Variants in SLC2A9 observed in about 807,000 individuals in gnomAD.
The protein encoded by SLC2A9 is solute carrier family 2 member 9, also known as solute carrier family 2, facilitated glucose transporter member 9.
Under a neutral mutation model 50.6 loss-of-function variants are expected in SLC2A9, and 39 were observed. The observed-to-expected ratio is 0.77, with a 90% CI of 0.60 to 1.01. The LOEUF (loss-of-function observed/expected upper bound fraction) is 1.01. Among genes scored for constraint, SLC2A9 ranks in the 50% least tolerant of loss-of-function variants. SLC2A9 has a pLI of 0.00. For missense variants in SLC2A9, 686 were observed against 677.6 expected, an observed-to-expected ratio of 1.01 and a Z score of -0.14; for synonymous variants, 324 against 276.9, an observed-to-expected ratio of 1.17 and a Z score of -1.69.
intron 8 of SLC2A9, among the ~76,000 whole-genome samples, chr4:9,897,703 A>G (rs1738819973): frequency 6.6e-6 from 1 of 152,148 alleles, no homozygotes; most frequent in African/African-American, 2.4e-5. Context: ...CCTGGCCAAC[A>G]TGATGAAACC....
At chr4:10,034,798 G>C (rs1764045817) in intron 1 of SLC2A9, 1 of 152,338 alleles carries the variant, frequency 6.6e-6, no homozygotes, top group Non-Finnish European at 1.5e-5. Context: ...AAAGCTCAGA[G>C]AGGTGAAGCT....
At chr4:9,907,167 C>A (rs7694136) in intron 8 of SLC2A9, among the ~76,000 whole-genome samples, 10 of 152,220 alleles carry the variant, frequency 6.6e-5, no homozygotes, top group South Asian at 2.1e-4. Flanking sequence ...AATTTTAGCC[C>A]TCTCTTTCCA....
At chr4:9,793,388 C>T (rs1340109326) in intron 3 of SLC2A9, among the ~76,000 whole-genome samples, 5 of 152,138 alleles carry the variant, frequency 3.3e-5, no homozygotes, top group South Asian at 2.1e-4. Context: ...TGTGCACCGT[C>T]GGTGGGGAGA....
chr4:9,797,154 C>T (rs1439747776), downstream of SLC2A9, among the ~76,000 whole-genome samples: 1 of 152,176 alleles, frequency 6.6e-6, no homozygotes, highest in African/African-American at 2.4e-5. Flanking sequence ...CTGCTCTCTG[C>T]TCTCAAGGGT....
chr4:9,799,692 A>ACCCCCCCCCCCCCC lies in SLC2A9; in HGVS notation n.421-452_421-451insGGGGGGGGGGGGGG, dbSNP rs57223650. On this transcript the variant is annotated intron_variant and non_coding_transcript_variant, in intron 3 of 3. Transcript: ENST00000503280. The stretch of plus-strand genomic sequence containing the variant: ...GCTTTCTGAGCTCCATTCCAATTGT[A>ACCCCCCCCCCCCCC]CCCCCCCCCCACCCAACTTCTACAC... Among the ~76,000 whole-genome samples, 177 of 69,852 alleles carry ACCCCCCCCCCCCCC rather than the reference A, an allele frequency of 2.5e-3. 2 individuals carry two copies. Among genetic ancestry groups the ACCCCCCCCCCCCCC allele is most frequent in the East Asian group, 4.4e-3 (9 of 2,064 alleles). 45.8% of individuals were successfully genotyped at this position (69,852 alleles called of 152,430 possible). A position where few individuals can be genotyped will look rare whatever the true frequency, so the allele number is the denominator to read the frequency against.
chr4:10,026,452 AG>A (rs1763756628), upstream of SLC2A9, among the ~76,000 whole-genome samples: 4 of 152,124 alleles, frequency 2.6e-5, no homozygotes, highest in South Asian at 8.3e-4. Context: ...TGTGGGAAAA[AG>A]TTTGCTTGTT....
intron 10 of SLC2A9, among the ~76,000 whole-genome samples, chr4:9,863,579 A>G (rs1731988744): frequency 6.6e-6 from 1 of 152,124 alleles, no homozygotes; most frequent in Non-Finnish European, 1.5e-5. Flanking sequence ...GCCTCCCCAT[A>G]GGCCCTCTTA....
intron 3 of SLC2A9, chr4:9,781,697 T>C (rs1174818993): frequency 3.9e-6 from 1 of 255,856 alleles, no homozygotes; most frequent in Non-Finnish European, 7.4e-6. Flanking sequence ...CTCTCTTCTC[T>C]CGCTCCGAAC....
At chr4:9,862,136 T>TA (rs372154332) in intron 10 of SLC2A9, among the ~76,000 whole-genome samples, 12 of 150,660 alleles carry the variant, frequency 8.0e-5, no homozygotes, top group African/African-American at 3.0e-4. Flanking sequence ...AAGCAGGACA[T>TA]AGATTTACAA....
chr4:9,970,769 A>T (rs1753774759), intron 5 of SLC2A9, among the ~76,000 whole-genome samples: 1 of 152,184 alleles, frequency 6.6e-6, no homozygotes, highest in Non-Finnish European at 1.5e-5. Context: ...AAAAACAAGG[A>T]AGTGAAACCA....
upstream of SLC2A9, chr4:10,026,000 AT>A (rs751476040): frequency 1.2e-6 from 2 of 1,608,448 alleles, no homozygotes; most frequent in South Asian, 2.2e-5. Flanking sequence ...TTTTGTTGTT[AT>A]TGTTTCTGAG....
chr4:9,803,958 A>G (rs1302224782), intron 3 of SLC2A9, among the ~76,000 whole-genome samples: 1 of 152,206 alleles, frequency 6.6e-6, no homozygotes, highest in African/African-American at 2.4e-5. Flanking sequence ...TAAAGGTTAT[A>G]TCTATTCATT....
At chr4:9,942,915 C>T (rs543124698) in intron 5 of SLC2A9, among the ~76,000 whole-genome samples, 2 of 152,264 alleles carry the variant, frequency 1.3e-5, no homozygotes, top group South Asian at 4.1e-4. Flanking sequence ...CGTTTATTTC[C>T]CAAGAAGGTA....
intron 10 of SLC2A9, among the ~76,000 whole-genome samples, chr4:9,848,335 A>C (rs1049067375): frequency 3.0e-4 from 44 of 148,364 alleles, no homozygotes; most frequent in Non-Finnish European, 4.6e-4. Context: ...CTGTGGTCTC[A>C]CCACATGGGA....
At chr4:10,025,585 C>G (rs143959098), upstream of SLC2A9, 1 of 329,208 alleles carries the variant, frequency 3.0e-6, no homozygotes, top group East Asian at 6.1e-5. Flanking sequence ...TTTAGTGTAT[C>G]TTTAACGATG....
chr4:9,974,809 A>C (rs1363943302), intron 5 of SLC2A9, among the ~76,000 whole-genome samples: 1 of 152,200 alleles, frequency 6.6e-6, no homozygotes, highest in African/African-American at 2.4e-5. Flanking sequence ...CATCCTAAGC[A>C]AAAAGAACAA....
At chr4:10,029,509 C>G (rs6846692) in intron 1 of SLC2A9, among the ~76,000 whole-genome samples, 117,397 of 151,512 alleles carry the variant, frequency 0.77, 45,846 homozygotes, top group Non-Finnish European at 0.82. Context: ...TATAAAATCC[C>G]AAAGCCAGGC....
Position 9,830,461 on chromosome 4 carries a change from G to A in SLC2A9, c.1420-3861C>T, listed in dbSNP as rs969231687. ...GTTGATCTGTGTAGCAAACCACCAC[G>A]GCATGTGTTTACTTGTGTAACAAAC... On this transcript the variant is annotated intron_variant, in intron 11 of 11. Coordinates refer to ENST00000264784, the MANE Select transcript of SLC2A9 (RefSeq NM_020041.3). Among the ~76,000 whole-genome samples, 5 of 152,100 alleles carry A rather than the reference G, an allele frequency of 3.3e-5. No individual in the cohort carries two copies. The East Asian group carries it at 5.8e-4, about 18-fold the overall frequency.
At chr4:9,897,839 G>A (rs1306597769) in intron 8 of SLC2A9, among the ~76,000 whole-genome samples, 1 of 152,192 alleles carries the variant, frequency 6.6e-6, no homozygotes, top group African/African-American at 2.4e-5. Flanking sequence ...AAAGGTTGCA[G>A]TGAGCTGAGA....
Sources: gnomAD v4.1 joint callset for allele counts (sites outside exome capture counted in the v4.1 genomes callset) on GRCh38, gnomAD v4.1.1 for gene constraint, MANE v1.5 for transcripts, NCBI Gene and HGNC (gene_info 2026-07-23, HGNC 2026-07-21) for gene names.